TMEM235: variants seen among roughly 807,000 people sequenced by gnomAD.
TMEM235 encodes transmembrane protein 235, also known as claudin-27.
In TMEM235, 23 loss-of-function variants were observed where a neutral mutation model predicts 22.9. The observed-to-expected ratio is 1.00, with a 90% CI of 0.72 to 1.42. The LOEUF is 1.42. Among genes scored for constraint, TMEM235 ranks in the 40% most tolerant of loss-of-function variants. The pLI, the probability that TMEM235 is intolerant of heterozygous loss-of-function variation, is 0.00. For synonymous variants in TMEM235, 137 were observed against 140.5 expected (o/e 0.98, Z 0.17); for missense variants, 308 against 299.5 (o/e 1.03, Z -0.21).
Position 78,234,288 on chromosome 17 carries a change from T to G in TMEM235, c.272-305T>G, listed in dbSNP as rs1254350916. 3 of 689,116 alleles carry G rather than the reference T, an allele frequency of 4.4e-6. No individual in the cohort carries two copies. In the Admixed American group the frequency reaches 6.1e-5, roughly 14 times the overall value. The allele number at this position is 689,116 out of a possible 1,614,324, so 42.7% of individuals were successfully genotyped here. ...GCCTTGCAGACTCCTGGCTCCCCAT[T>G]TAGGACTCGATTCTTCCAGATGGCC... is the stretch of plus-strand genomic sequence containing the variant. On this transcript the variant is annotated intron_variant, in intron 3 of 5. Coordinates refer to ENST00000421688, the Ensembl canonical transcript of TMEM235.
intron 2 of TMEM235, among the ~76,000 whole-genome samples, chr17:78,232,642 G>C (rs1284471770): frequency 2.0e-5 from 3 of 152,034 alleles, no homozygotes; most frequent in African/African-American, 7.3e-5. Context: ...GCGGGGGCAG[G>C]GGTTCCAAAT....
chr17:78,239,044 G>A, exon 5 of TMEM235: 1 of 1,542,298 alleles, frequency 6.5e-7, no homozygotes, highest in Non-Finnish European at 8.7e-7. Flanking sequence ...ACTGGCGGGG[G>A]TCAGCATCTA....
At chr17:78,233,599 G>A (rs2076607952) in intron 2 of TMEM235, among the ~76,000 whole-genome samples, 1 of 152,016 alleles carries the variant, frequency 6.6e-6, no homozygotes, top group Non-Finnish European at 1.5e-5. Context: ...GGAGGCTGAG[G>A]CAGGAGAATG....
chr17:78,238,956 C>A lies in TMEM235; in HGVS notation c.410-68C>A. On this transcript the variant is annotated intron_variant, in intron 4 of 5. Transcript: ENST00000421688. This position sits in a 1 kb window ranked among gnomAD's most constrained non-coding sequence, Gnocchi z 4.3. The stretch of plus-strand genomic sequence containing the variant: ...GCCGGGGATGCTGAGGCCATGTCTG[C>A]AGGACCACCTGGGCCTGGGCCCGCT... 3 of 1,488,852 alleles carry A rather than the reference C, an allele frequency of 2.0e-6. No individual in the cohort carries two copies. The highest frequency in any genetic ancestry group is 2.7e-6 in the Non-Finnish European group (3 of 1,117,294). The allele number at this position is 1,488,852 out of a possible 1,614,324, so 92.2% of individuals were successfully genotyped here. A position where few individuals can be genotyped will look rare whatever the true frequency, so the allele number is the denominator to read the frequency against.
rs982294706 is a variant in TMEM235, at chr17:78,240,136, G to A, written c.*344G>A. On this transcript the variant is annotated 3_prime_UTR_variant, in exon 6 of 6. Transcript: ENST00000421688. ...CGACCCTTCCTCTCTGCAGCAACCC[G>A]GGGGAGGTATGCCACTGTGAGTGCC... 59 of 1,209,018 alleles carry A rather than the reference G, an allele frequency of 4.9e-5. No individual in the cohort carries two copies. In the Middle Eastern group the frequency reaches 9.8e-4, roughly 20 times the overall value. 74.9% of individuals were successfully genotyped at this position (1,209,018 alleles called of 1,614,324 possible).
exon 4 of TMEM235, chr17:78,234,692 C>G: frequency 6.5e-7 from 1 of 1,536,034 alleles, no homozygotes; most frequent in South Asian, 1.2e-5. Context: ...CAGAGCGTGT[C>G]TCTGCTGCTT....
chr17:78,233,843 C>G, intron 2 of TMEM235, 52 bp from the exon 2 acceptor site: 9 of 1,511,540 alleles, frequency 6.0e-6, no homozygotes, highest in Non-Finnish European at 8.0e-6. Context: ...GGGTAGGCTG[C>G]TGGGTGCACC....
rs558648444 is a variant in TMEM235 at position 78,237,348 on chromosome 17, C to T, written c.410-1676C>T. 4.1e-4 allele frequency among the ~76,000 whole-genome samples: 62 copies of T among 152,180 alleles called. No individual in the cohort carries two copies. The highest frequency in any genetic ancestry group is 1.4e-3 in the African/African-American group (57 of 41,524). ...CAGGATCTTGGGGGGCCTGGGGGAC[C>T]GACAGGGCCCACGGTGACAGAGTCC... On this transcript the variant is annotated intron_variant, in intron 4 of 5. Coordinates refer to ENST00000421688, the Ensembl canonical transcript of TMEM235. The surrounding 1 kb of genome is among the most constrained non-coding windows in gnomAD (Gnocchi z 4.7).
chr17:78,239,869 C>T (rs1285257966), exon 6 of TMEM235: 1 of 1,551,488 alleles, frequency 6.4e-7, no homozygotes, highest in Admixed American at 2.0e-5. Context: ...GCCTCCCTGG[C>T]CTCTGTTCTG....
chr17:78,234,636 C>T (rs776712196), exon 4 of TMEM235: 39 of 1,536,244 alleles, frequency 2.5e-5, no homozygotes, highest in Non-Finnish European at 3.2e-5. Flanking sequence ...TGAGCCTGGT[C>T]CTTCTCGTGT....
exon 5 of TMEM235, chr17:78,239,055 C>T (rs959333523): frequency 6.5e-7 from 1 of 1,543,762 alleles, no homozygotes; most frequent in South Asian, 1.2e-5. Context: ...TCAGCATCTA[C>T]ATCAGCTACT....
chr17:78,234,109 C>T (rs765284058), intron 3 of TMEM235, 134 bp downstream of exon 2: 9 of 811,664 alleles, frequency 1.1e-5, no homozygotes, highest in Non-Finnish European at 1.8e-5. Context: ...TCCACGCAGA[C>T]CTGTCCCAGT....
At position 78,237,615 on chromosome 17, in the gene TMEM235, T is replaced by C. The variant is rs932018401; in HGVS notation, c.410-1409T>C. 9.9e-5 allele frequency among the ~76,000 whole-genome samples: 15 copies of C among 151,898 alleles called. No homozygotes were observed. The highest frequency in any genetic ancestry group is 3.6e-4 in the African/African-American group (15 of 41,386). ...GGGCGGCCTGCCAGGAAGTGGGGCC[T>C]TGGGCTGCAGCTGCAGCCAGTGCTA... On this transcript the variant is annotated intron_variant, in intron 4 of 5. Coordinates refer to ENST00000421688, the Ensembl canonical transcript of TMEM235. This position sits in a 1 kb window ranked among gnomAD's most constrained non-coding sequence, Gnocchi z 4.7.
exon 6 of TMEM235, chr17:78,239,996 G>A (rs1329702245): frequency 1.9e-6 from 3 of 1,539,216 alleles, no homozygotes; most frequent in Non-Finnish European, 1.8e-6. Flanking sequence ...GTACCCCTCT[G>A]CCCCCTCCCT....
At chr17:78,231,360 A>C in intron 1 of TMEM235, 1 of 1,223,030 alleles carries the variant, frequency 8.2e-7, no homozygotes, top group Non-Finnish European at 1.1e-6. Flanking sequence ...CTGGACAGGC[A>C]GAGGCCGGCC....
In TMEM235 at chr17:78,233,132, C is replaced by T. The variant is rs575251156; in HGVS notation, c.191-763C>T. Among the ~76,000 whole-genome samples the T allele has an allele frequency of 3.9e-4, 60 of 152,342 alleles. 1 individual carries two copies. The highest frequency in any genetic ancestry group is 2.3e-3 in the South Asian group (11 of 4,828). On this transcript the variant is annotated intron_variant, in intron 2 of 5. Transcript: ENST00000421688. ...TGTGCTCCAAAGACCTCCTGACATG[C>T]ACCTGTGTGCACGTGTGCACACGCC...
At chr17:78,232,190 C>G in exon 2 of TMEM235, 16 of 1,489,276 alleles carry the variant, frequency 1.1e-5, no homozygotes, top group Non-Finnish European at 1.2e-5. Context: ...TCCTCGCACT[C>G]GGGGCTCTGG....
In TMEM235 at chr17:78,233,902, C is replaced by A. The variant is rs61730389; in HGVS notation, c.198C>A (p.Asn66Lys). The A allele has an allele frequency of 1.6e-5, 25 of 1,535,772 alleles. No homozygotes were observed. In the East Asian group the frequency reaches 6.1e-4, roughly 38 times the overall value. ...GAGGCCTATGTTTCCCAGGGCAGAA[C>A]GGCTGCATCCCGCTGGTCGACCCTT... The change falls in exon 3 of 6, where the codon AAC becomes AAA. Residue 66 changes from asparagine (N) to lysine (K), a missense_variant. Coordinates refer to ENST00000421688, the Ensembl canonical transcript of TMEM235.
At chr17:78,231,797 T>C in exon 2 of TMEM235, 2 of 1,217,236 alleles carry the variant, frequency 1.6e-6, no homozygotes, top group South Asian at 1.5e-5. Context: ...CTTCCTCTCC[T>C]TTCCCCCAGG....
Sources: gnomAD v4.1 joint callset for allele counts (sites outside exome capture counted in the v4.1 genomes callset) on GRCh38, gnomAD v4.1.1 for gene constraint, Gnocchi (gnomAD v3.1) non-coding constraint, MANE v1.5 for transcripts, NCBI Gene and HGNC (gene_info 2026-07-23, HGNC 2026-07-21) for gene names.